Variants in CCDC192 observed in about 807,000 individuals in gnomAD.
CCDC192 encodes the protein coiled-coil domain containing 192.
intron 5 of CCDC192, among the ~76,000 whole-genome samples, chr5:127,800,376 G>GAAAAAAAAAAAAAAAAAAAAAAAAA (rs1168212422): frequency 4.1e-4 from 8 of 19,512 alleles, no homozygotes; most frequent in East Asian, 2.9e-3. Context: ...GAGGTATTCT[G>GAAAAAAAAAAAAAAAAAAAAAAAAA]AAAAAAAAAA....
chr5:127,792,855 T>G (rs1756958948), intron 3 of CCDC192, among the ~76,000 whole-genome samples: 2 of 150,884 alleles, frequency 1.3e-5, no homozygotes, highest in Non-Finnish European at 1.5e-5. Flanking sequence ...AGAAGGAGAA[T>G]AAGAATACAA....
chr5:127,928,844 C>G (rs1037610634), intron 6 of CCDC192, among the ~76,000 whole-genome samples: 1 of 152,020 alleles, frequency 6.6e-6, no homozygotes, highest in Admixed American at 6.6e-5. Context: ...TGGCTCACTG[C>G]AACCTCTGCC....
chr5:127,790,264 G>A (rs529542204), intron 3 of CCDC192, among the ~76,000 whole-genome samples: 2 of 152,230 alleles, frequency 1.3e-5, no homozygotes, highest in African/African-American at 4.8e-5. Flanking sequence ...TTCTGGAATG[G>A]AAATATCTAT....
chr5:127,932,087 G>T (rs1236898143), intron 6 of CCDC192, among the ~76,000 whole-genome samples: 1 of 150,570 alleles, frequency 6.6e-6, no homozygotes, highest in Non-Finnish European at 1.5e-5. Flanking sequence ...CTGGGAGGCA[G>T]AGGTTGCAGT....
At position 127,719,538 on chromosome 5, in the gene CCDC192, T is replaced by TAC. The variant is rs1561444981; in HGVS notation, c.114+11779_114+11780insCA. Among the ~76,000 whole-genome samples, 55 of 84,040 alleles carry TAC rather than the reference T, an allele frequency of 6.5e-4. 1 individual carries two copies. Among genetic ancestry groups the TAC allele is most frequent in the African/African-American group, 2.0e-3 (40 of 19,978 alleles). The allele number at this position is 84,040 out of a possible 152,430, so 55.1% of individuals were successfully genotyped here. ...ATATATATATATACACACATACATA[T>TAC]ATATATATATATATATATATACACA... On this transcript the variant is annotated intron_variant, in intron 2 of 6. Coordinates refer to ENST00000514853, the MANE Select transcript of CCDC192 (RefSeq NM_001317938.2).
chr5:127,941,149 C>G (rs1754390844), intron 6 of CCDC192, 33 bp from the exon 7 acceptor site: 1 of 398,886 alleles, frequency 2.5e-6, no homozygotes, highest in South Asian at 1.3e-4. Flanking sequence ...CTAATCAAAA[C>G]TGCTCAGACT....
intron 5 of CCDC192, among the ~76,000 whole-genome samples, chr5:127,813,134 G>A (rs982219451): frequency 2.6e-5 from 4 of 152,168 alleles, no homozygotes; most frequent in Admixed American, 2.0e-4. Flanking sequence ...GGGCCTGATG[G>A]CACACACCTT....
At chr5:127,729,462 G>T (rs1294750753) in intron 2 of CCDC192, among the ~76,000 whole-genome samples, 2 of 152,044 alleles carry the variant, frequency 1.3e-5, no homozygotes, top group Non-Finnish European at 2.9e-5. Context: ...ACAGATCATA[G>T]TGACAGAACA....
chr5:127,792,542 A>ATATG (rs1756926023), intron 3 of CCDC192, among the ~76,000 whole-genome samples: 1 of 149,968 alleles, frequency 6.7e-6, no homozygotes, highest in Non-Finnish European at 1.5e-5. Context: ...ATATATATAT[A>ATATG]TATATGTATA....
intron 3 of CCDC192, among the ~76,000 whole-genome samples, chr5:127,776,161 T>G (rs1755845509): frequency 6.6e-6 from 1 of 152,194 alleles, no homozygotes; most frequent in African/African-American, 2.4e-5. Flanking sequence ...GTGAGAAAGT[T>G]TAGAACTTCC....
rs996288380 is a variant in CCDC192, at chr5:127,895,838, C to CA, written c.535+20191dup. On this transcript the variant is annotated intron_variant, in intron 6 of 6. Coordinates refer to ENST00000514853, the MANE Select transcript of CCDC192 (RefSeq NM_001317938.2). ...CCTGGGTGACAGCCGTACCCTGTCT[C>CA]AAAAAAAAAAAAAAGTAGTGCCACC... Among the ~76,000 whole-genome samples the CA allele has an allele frequency of 6.4e-3, 843 of 131,098 alleles. 3 individuals are homozygous for CA. The highest frequency in any genetic ancestry group is 0.019 in the African/African-American group (681 of 35,674). 86.0% of individuals were successfully genotyped at this position (131,098 alleles called of 152,430 possible).
chr5:127,940,623 G>GTA, intron 6 of CCDC192: 1 of 152,100 alleles, frequency 6.6e-6, no homozygotes, highest in Non-Finnish European at 1.5e-5. Flanking sequence ...CTAATTTTTT[G>GTA]TATTTTTAGT....
At chr5:127,865,070 C>G (rs1461398491) in intron 5 of CCDC192, among the ~76,000 whole-genome samples, 1 of 152,110 alleles carries the variant, frequency 6.6e-6, no homozygotes, top group Admixed American at 6.6e-5. Context: ...TTGCTTCAAC[C>G]CGGGAGGCGG....
rs374357271 is a variant in CCDC192 at position 127,747,268 on chromosome 5, C to T, written c.115-7000C>T. Reference sequence around the variant, plus strand: ...CTATCCCTCCCCCCTCTCCCCACCCCGCAACAGTCCCCAGAGTGTGATGTT... The same window carrying T: ...CTATCCCTCCCCCCTCTCCCCACCCTGCAACAGTCCCCAGAGTGTGATGTT... On this transcript the variant is annotated intron_variant, in intron 2 of 6. Coordinates refer to ENST00000514853, the MANE Select transcript of CCDC192 (RefSeq NM_001317938.2). Among the ~76,000 whole-genome samples, 147 of 152,036 alleles carry T rather than the reference C, an allele frequency of 9.7e-4. 2 individuals carry two copies. In the Middle Eastern group the frequency reaches 0.01, roughly 11 times the overall value.
At chr5:127,795,658 GCA>G (rs2126964940) in intron 3 of CCDC192, among the ~76,000 whole-genome samples, 1 of 152,024 alleles carries the variant, frequency 6.6e-6, no homozygotes. Context: ...TTGGCTCACT[GCA>G]ACCTCCGCCT....
intron 5 of CCDC192, among the ~76,000 whole-genome samples, chr5:127,842,121 G>A (rs1580737014): frequency 6.6e-6 from 1 of 152,358 alleles, no homozygotes; most frequent in East Asian, 1.9e-4. Context: ...TCAAGGGCAT[G>A]CATTCCCTGC....
intron 2 of CCDC192, among the ~76,000 whole-genome samples, chr5:127,723,492 T>C (rs1752142314): frequency 6.6e-6 from 1 of 152,224 alleles, no homozygotes. Context: ...TCTAGTACTA[T>C]GTTGAATAAC....
chr5:127,752,339 C>T (rs1380810406), intron 2 of CCDC192, among the ~76,000 whole-genome samples: 3 of 152,130 alleles, frequency 2.0e-5, no homozygotes, highest in Non-Finnish European at 4.4e-5. Context: ...ACAGACAGGA[C>T]CCTCAGCTGC....
intron 3 of CCDC192, among the ~76,000 whole-genome samples, chr5:127,783,775 T>C (rs1756380132): frequency 6.6e-6 from 1 of 152,188 alleles, no homozygotes; most frequent in Non-Finnish European, 1.5e-5. Context: ...ATCTCATTTC[T>C]TAGGTCTATA....
Sources: gnomAD v4.1 joint callset for allele counts (sites outside exome capture counted in the v4.1 genomes callset) on GRCh38, gnomAD v4.1.1 for gene constraint, MANE v1.5 for transcripts, NCBI Gene and HGNC (gene_info 2026-07-23, HGNC 2026-07-21) for gene names.